AFG1L: variants seen among roughly 807,000 people sequenced by gnomAD.
AFG1L encodes the protein AFG1 like ATPase, also known as AFG1-like ATPase.
Under a neutral mutation model 62.2 loss-of-function variants are expected in AFG1L, and 53 were observed. The observed-to-expected ratio is 0.85, with a 90% CI of 0.68 to 1.07. AFG1L has a LOEUF of 1.07. Ranked by LOEUF, AFG1L falls within the 50% of genes least tolerant of loss-of-function variation. AFG1L has a pLI of 0.00. For synonymous variants in AFG1L, 228 were observed against 210.3 expected (o/e 1.08, Z -0.73); for missense variants, 555 against 590.5 (o/e 0.94, Z 0.62).
chr6:108,358,164 T>A (rs1044090754), intron 5 of AFG1L, among the ~76,000 whole-genome samples: 1 of 152,206 alleles, frequency 6.6e-6, no homozygotes. Flanking sequence ...TTAACAGTTA[T>A]GCTGCTTTCA....
At chr6:108,422,516 A>G (rs1464145832) in intron 7 of AFG1L, among the ~76,000 whole-genome samples, 4 of 149,186 alleles carry the variant, frequency 2.7e-5, no homozygotes, top group Non-Finnish European at 4.5e-5. Flanking sequence ...GAAATGCTCT[A>G]TTTCAGAATC....
intron 1 of AFG1L, among the ~76,000 whole-genome samples, chr6:108,310,025 C>T (rs1777343717): frequency 1.3e-5 from 2 of 152,110 alleles, no homozygotes; most frequent in South Asian, 4.1e-4. Flanking sequence ...CCTCAGTTCC[C>T]CTTTTTCCTC....
At chr6:108,456,859 C>T (rs1772273538) in intron 8 of AFG1L, among the ~76,000 whole-genome samples, 1 of 152,024 alleles carries the variant, frequency 6.6e-6, no homozygotes, top group South Asian at 2.1e-4. Context: ...TACACAAATA[C>T]TTGCCATTAT....
chr6:108,413,799 G>T lies in AFG1L; in HGVS notation c.807+11745G>T, dbSNP rs555017067. On this transcript the variant is annotated intron_variant, in intron 7 of 12. Transcript: ENST00000368977. ...TAGAGGCAAATTTATAACACTAAATGCCCACAAGAGAAAGCAGGAAAGATC... is the reference window on the plus strand; with the variant it reads ...TAGAGGCAAATTTATAACACTAAATTCCCACAAGAGAAAGCAGGAAAGATC... 5.9e-5 allele frequency among the ~76,000 whole-genome samples: 9 copies of T among 152,034 alleles called. No individual in the cohort carries two copies. The East Asian group carries it at 1.5e-3, about 26-fold the overall frequency.
At chr6:108,496,055 T>G in intron 10 of AFG1L, among the ~76,000 whole-genome samples, 1 of 152,258 alleles carries the variant, frequency 6.6e-6, no homozygotes, top group East Asian at 1.9e-4. Context: ...AGTAATCATA[T>G]GCTTTAATTA....
Position 108,324,132 on chromosome 6 carries a change from A to G in AFG1L, c.363+84A>G, listed in dbSNP as rs555238102. ...GGATGCAATGCAGTAGGACACAATCATGAAACATCTTGAAAAATTTTCACC... is the reference window on the plus strand; with the variant it reads ...GGATGCAATGCAGTAGGACACAATCGTGAAACATCTTGAAAAATTTTCACC... On this transcript the variant is annotated intron_variant, in intron 2 of 12. Coordinates refer to ENST00000368977, the MANE Select transcript of AFG1L (RefSeq NM_145315.5). The G allele has an allele frequency of 8.2e-6, 8 of 974,480 alleles. No individual in the cohort carries two copies. The African/African-American group carries it at 1.2e-4, about 14-fold the overall frequency. 60.4% of individuals were successfully genotyped at this position (974,480 alleles called of 1,614,324 possible).
chr6:108,374,367 T>A (rs945498987), intron 6 of AFG1L, among the ~76,000 whole-genome samples: 2 of 152,206 alleles, frequency 1.3e-5, no homozygotes, highest in East Asian at 3.8e-4. Flanking sequence ...AATTTTTGTT[T>A]TTGTTGCAAT....
At chr6:108,485,618 G>A (rs868806990) in intron 10 of AFG1L, among the ~76,000 whole-genome samples, 49 of 57,200 alleles carry the variant, frequency 8.6e-4, no homozygotes, top group African/African-American at 1.7e-3. Context: ...TAAGAAATAC[G>A]AATTTAAATA....
intron 8 of AFG1L, among the ~76,000 whole-genome samples, chr6:108,453,890 G>T (rs1772154878): frequency 6.6e-6 from 1 of 152,166 alleles, no homozygotes; most frequent in Non-Finnish European, 1.5e-5. Flanking sequence ...TAGACAGCTA[G>T]CCCAGTCATT....
rs1031292993 is a variant in AFG1L, at chr6:108,390,925, C to T, written c.749-11071C>T. On this transcript the variant is annotated intron_variant, in intron 6 of 12. Transcript: ENST00000368977. ...AAATGCAGAAATCACCCGTCTTCTG[C>T]GTCGCTCACGCTGGGAGCTGTAGAC... Among the ~76,000 whole-genome samples, 5 of 152,298 alleles carry T rather than the reference C, an allele frequency of 3.3e-5. No homozygotes were observed. The East Asian group carries it at 5.8e-4, about 18-fold the overall frequency.
At chr6:108,414,013 A>G (rs545850331) in intron 7 of AFG1L, among the ~76,000 whole-genome samples, 2 of 152,332 alleles carry the variant, frequency 1.3e-5, no homozygotes, top group Non-Finnish European at 2.9e-5. Context: ...AACAAAATTG[A>G]TAGACCACTA....
At chr6:108,519,668 A>C in intron 11 of AFG1L, 29 bp from the exon 12 acceptor site, 1 of 1,189,414 alleles carries the variant, frequency 8.4e-7, no homozygotes, top group Non-Finnish European at 1.2e-6. Flanking sequence ...GTAAAGAGTA[A>C]CACATTTACC....
intron 2 of AFG1L, among the ~76,000 whole-genome samples, chr6:108,333,651 G>T (rs1414468087): frequency 2.6e-5 from 4 of 151,950 alleles, no homozygotes; most frequent in African/African-American, 9.7e-5. Context: ...CAACCCAGTA[G>T]AAAAATAGAC....
chr6:108,323,699 T>C (rs1318588737), intron 1 of AFG1L, 126 bp from the exon 2 acceptor site: 3 of 636,976 alleles, frequency 4.7e-6, no homozygotes, highest in Non-Finnish European at 8.1e-6. Flanking sequence ...AAATGACATT[T>C]ACAAAAACTG....
At chr6:108,478,223 G>A (rs1773195559) in intron 10 of AFG1L, among the ~76,000 whole-genome samples, 1 of 152,302 alleles carries the variant, frequency 6.6e-6, no homozygotes, top group African/African-American at 2.4e-5. Context: ...GGATCATGAG[G>A]TCAGGAGATT....
chr6:108,308,202 T>G (rs1349071094), intron 1 of AFG1L, among the ~76,000 whole-genome samples: 1 of 152,180 alleles, frequency 6.6e-6, no homozygotes, highest in Non-Finnish European at 1.5e-5. Flanking sequence ...AAGGCTGGAG[T>G]GCAGTGGTAC....
intron 2 of AFG1L, among the ~76,000 whole-genome samples, chr6:108,337,290 G>C (rs1360492858): frequency 6.6e-6 from 1 of 152,170 alleles, no homozygotes; most frequent in East Asian, 1.9e-4. Flanking sequence ...TGAGTTTGCT[G>C]CAGTGCCCTG....
chr6:108,518,196 A>T (rs1183105367), intron 11 of AFG1L, among the ~76,000 whole-genome samples: 2 of 152,208 alleles, frequency 1.3e-5, no homozygotes, highest in East Asian at 3.9e-4. Context: ...ATAAAGACAC[A>T]TGCACACGTA....
At chr6:108,420,779 AAAAC>A (rs1770552195) in intron 7 of AFG1L, among the ~76,000 whole-genome samples, 5 of 152,104 alleles carry the variant, frequency 3.3e-5, no homozygotes, top group Admixed American at 6.6e-5. Flanking sequence ...TATCTGGAAA[AAAAC>A]AAGCTATTGC....
Sources: allele counts gnomAD v4.1 joint callset (sites outside exome capture counted in the v4.1 genomes callset), GRCh38; gene constraint gnomAD v4.1.1; transcripts MANE v1.5; gene names NCBI Gene and HGNC (gene_info 2026-07-23, HGNC 2026-07-21).